ODAD2: variants seen among roughly 807,000 people sequenced by gnomAD.
ODAD2 encodes the protein outer dynein arm docking complex subunit 2, also known as outer dynein arm-docking complex subunit 2.
In ODAD2, 89 loss-of-function variants were observed where a neutral mutation model predicts 106.8. The observed-to-expected ratio is 0.83, with a 90% CI of 0.70 to 0.99. ODAD2 has a LOEUF of 0.99. ODAD2 is among the 50% of genes least tolerant of loss of function. The pLI, the probability that ODAD2 is intolerant of heterozygous loss-of-function variation, is 0.00. For synonymous variants in ODAD2, 404 were observed against 436.2 expected (o/e 0.93, Z 0.92); for missense variants, 1,168 against 1,238.5 (o/e 0.94, Z 0.85).
chr10:27,896,623 T>C (rs1842870007), intron 17 of ODAD2, among the ~76,000 whole-genome samples: 1 of 152,198 alleles, frequency 6.6e-6, no homozygotes. Context: ...ACCATCCTTT[T>C]GCTTGGTGCT....
chr10:27,922,751 C>G (rs1590029599), intron 16 of ODAD2, among the ~76,000 whole-genome samples: 1 of 151,802 alleles, frequency 6.6e-6, no homozygotes, highest in African/African-American at 2.4e-5. Flanking sequence ...ACTAAAAATA[C>G]AAAAATTAGC....
At chr10:27,890,940 GATTTAGA>G (rs1842519081) in intron 17 of ODAD2, among the ~76,000 whole-genome samples, 1 of 151,940 alleles carries the variant, frequency 6.6e-6, no homozygotes, top group African/African-American at 2.4e-5. Context: ...AGACGTTTTG[GATTTAGA>G]AAAAAAAGTT....
intron 17 of ODAD2, among the ~76,000 whole-genome samples, chr10:27,868,589 C>T (rs1045647451): frequency 7.9e-5 from 12 of 152,050 alleles, no homozygotes; most frequent in African/African-American, 2.9e-4. Context: ...GAACAGAAAA[C>T]CAAACAACAC....
chr10:27,894,529 A>G (rs1240907838), intron 17 of ODAD2, among the ~76,000 whole-genome samples: 1 of 152,118 alleles, frequency 6.6e-6, no homozygotes, highest in African/African-American at 2.4e-5. Flanking sequence ...CCAAAGGGTC[A>G]GCAGTAACTA....
At chr10:27,989,446 C>T (rs976883597) in intron 2 of ODAD2, among the ~76,000 whole-genome samples, 1 of 152,178 alleles carries the variant, frequency 6.6e-6, no homozygotes, top group South Asian at 2.1e-4. Flanking sequence ...TGGAATAATG[C>T]CCTTAGGACT....
At chr10:27,935,379 G>T in intron 15 of ODAD2, 127 bp from the exon 16 acceptor site, 1 of 1,244,738 alleles carries the variant, frequency 8.0e-7, no homozygotes, top group Non-Finnish European at 1.1e-6. Context: ...TTACTGGATG[G>T]TTAATCTGAA....
chr10:27,973,400 C>T (rs1322765784), intron 7 of ODAD2, among the ~76,000 whole-genome samples: 2 of 152,098 alleles, frequency 1.3e-5, no homozygotes, highest in Non-Finnish European at 2.9e-5. Context: ...AAACTCATGT[C>T]ACAGGTGTTT....
intron 19 of ODAD2, among the ~76,000 whole-genome samples, chr10:27,853,981 T>C (rs189807154): frequency 2.0e-5 from 3 of 152,230 alleles, no homozygotes; most frequent in Non-Finnish European, 1.5e-5. Flanking sequence ...GAGAAAATAT[T>C]TGCAAATTAC....
chr10:27,949,690 G>C (rs77033139), intron 10 of ODAD2, among the ~76,000 whole-genome samples: 13,061 of 152,104 alleles, frequency 0.086, 598 homozygotes, highest in East Asian at 0.2. Context: ...TTCAAGATTG[G>C]CCAATGTAAT....
chr10:27,812,481 A>G lies in ODAD2; in HGVS notation c.*31T>C, dbSNP rs768203949. ...GAGTGACATGTCCTGTGTCATGTAG[A>G]ATTTGATAGCTTGTAATGTCCATTT... On this transcript the variant is annotated 3_prime_UTR_variant, in exon 20 of 20. Coordinates refer to ENST00000305242, the MANE Select transcript of ODAD2 (RefSeq NM_018076.5). 5 of 1,608,384 alleles carry G rather than the reference A, an allele frequency of 3.1e-6. No homozygotes were observed. In the East Asian group the frequency reaches 1.1e-4, roughly 36 times the overall value.
chr10:27,975,631 T>C (rs1276429809), intron 7 of ODAD2, among the ~76,000 whole-genome samples: 1 of 152,166 alleles, frequency 6.6e-6, no homozygotes, highest in African/African-American at 2.4e-5. Flanking sequence ...ATAAATTGAA[T>C]TTGTAGTTAA....
At chr10:27,974,245 C>T (rs1028204129) in intron 7 of ODAD2, among the ~76,000 whole-genome samples, 4 of 152,148 alleles carry the variant, frequency 2.6e-5, no homozygotes, top group Non-Finnish European at 5.9e-5. Context: ...ATTCTGTTGA[C>T]AGTTTGCTGT....
chr10:27,849,003 A>G (rs1484353599), intron 19 of ODAD2, among the ~76,000 whole-genome samples: 1 of 152,214 alleles, frequency 6.6e-6, no homozygotes, highest in Admixed American at 6.5e-5. Context: ...GTGATTCCTC[A>G]AGGATCTAGA....
At chr10:27,873,787 A>G (rs991793017) in intron 17 of ODAD2, among the ~76,000 whole-genome samples, 1 of 152,160 alleles carries the variant, frequency 6.6e-6, no homozygotes, top group Non-Finnish European at 1.5e-5. Flanking sequence ...TATGTGGTCA[A>G]TTTTGGAATA....
In ODAD2 at chr10:27,970,106, AAATAAAT is replaced by A. The variant is rs1848744460; in HGVS notation, c.1142+995_1142+1001del. On this transcript the variant is annotated intron_variant, in intron 8 of 19. Coordinates refer to ENST00000305242, the MANE Select transcript of ODAD2 (RefSeq NM_018076.5). ...ACAGCGAGATTCTGTCTCAAAAAATAAATAAATAAATAAATAAATAAATAAATAAATA... is the reference window on the plus strand; with the variant it reads ...ACAGCGAGATTCTGTCTCAAAAAATAAAATAAATAAATAAATAAATAAATA... 4.7e-5 allele frequency among the ~76,000 whole-genome samples: 5 copies of A among 106,884 alleles called. No individual in the cohort carries two copies. In the South Asian group the frequency reaches 1.4e-3, roughly 30 times the overall value. The allele number at this position is 106,884 out of a possible 152,430, so 70.1% of individuals were successfully genotyped here.
At chr10:27,833,323 G>A (rs1010530688) in intron 19 of ODAD2, among the ~76,000 whole-genome samples, 1 of 151,860 alleles carries the variant, frequency 6.6e-6, no homozygotes, top group Non-Finnish European at 1.5e-5. Flanking sequence ...GGCAATAGTC[G>A]TACTTCGCAA....
At chr10:27,905,709 GC>G (rs1209790568) in intron 17 of ODAD2, among the ~76,000 whole-genome samples, 1 of 151,980 alleles carries the variant, frequency 6.6e-6, no homozygotes, top group Admixed American at 6.6e-5. Flanking sequence ...CAGAAATAAT[GC>G]CACACATCTA....
At chr10:27,826,182 A>C (rs908315682) in intron 19 of ODAD2, among the ~76,000 whole-genome samples, 2 of 152,152 alleles carry the variant, frequency 1.3e-5, no homozygotes, top group Admixed American at 1.3e-4. Context: ...CTGATCTACC[A>C]GTGCAGTCTC....
intron 17 of ODAD2, among the ~76,000 whole-genome samples, chr10:27,888,151 C>T (rs1842353088): frequency 1.3e-5 from 2 of 152,022 alleles, no homozygotes. Context: ...TTTGATATGG[C>T]AATTTCTTCC....
Sources: gnomAD v4.1 joint callset for allele counts (sites outside exome capture counted in the v4.1 genomes callset) on GRCh38, gnomAD v4.1.1 for gene constraint, MANE v1.5 for transcripts, NCBI Gene and HGNC (gene_info 2026-07-23, HGNC 2026-07-21) for gene names.